The following MCTP1 variants were observed in gnomAD, a reference collection of about 807,000 sequenced individuals.
MCTP1 encodes multiple C2 and transmembrane domain containing 1.
A neutral mutation model predicts 120.6 loss-of-function variants in MCTP1; 69 were observed. That is an observed-to-expected ratio of 0.57 (90% CI 0.47 to 0.70). MCTP1 has a LOEUF of 0.70. MCTP1 is among the 30% of genes least tolerant of loss of function. The pLI is 0.00. For missense variants in MCTP1, 1,203 were observed against 1,248.8 expected (o/e 0.96, Z 0.55); for synonymous variants, 529 against 493.1 (o/e 1.07, Z -0.96).
At chr5:95,171,747 G>A (rs1177083506) in intron 1 of MCTP1, among the ~76,000 whole-genome samples, 1 of 150,704 alleles carries the variant, frequency 6.6e-6, no homozygotes. Flanking sequence ...TCATGCCATG[G>A]TTTTCAGCTC....
At chr5:94,829,008 C>T (rs1445340612) in intron 17 of MCTP1, among the ~76,000 whole-genome samples, 1 of 85,640 alleles carries the variant, frequency 1.2e-5, no homozygotes, top group Non-Finnish European at 3.4e-5. Context: ...AAACAAACAA[C>T]AACAACAAAA....
chr5:95,278,127 A>G (rs897364725), intron 1 of MCTP1, among the ~76,000 whole-genome samples: 2 of 152,060 alleles, frequency 1.3e-5, no homozygotes, highest in Non-Finnish European at 2.9e-5. Context: ...AAACTGCTAC[A>G]TATTAGAGGG....
intron 1 of MCTP1, among the ~76,000 whole-genome samples, chr5:95,099,145 G>A (rs1294337538): frequency 2.6e-5 from 4 of 152,158 alleles, no homozygotes; most frequent in East Asian, 1.9e-4. Flanking sequence ...AGACTTAAAC[G>A]TTAGACCTAA....
chr5:94,983,925 C>T (rs1829989873), intron 2 of MCTP1, among the ~76,000 whole-genome samples: 1 of 152,158 alleles, frequency 6.6e-6, no homozygotes, highest in South Asian at 2.1e-4. Flanking sequence ...GGACAACTGG[C>T]AGTCTCTAAC....
chr5:95,079,017 G>A (rs868461360), intron 1 of MCTP1, among the ~76,000 whole-genome samples: 7 of 151,992 alleles, frequency 4.6e-5, no homozygotes, highest in African/African-American at 1.2e-4. Context: ...GTAAATTGCC[G>A]CGAATAAATA....
chr5:94,937,180 G>A (rs1816403051), intron 5 of MCTP1, among the ~76,000 whole-genome samples: 1 of 152,128 alleles, frequency 6.6e-6, no homozygotes, highest in Non-Finnish European at 1.5e-5. Flanking sequence ...AGGATAGGAG[G>A]AGAGAAGACG....
intron 1 of MCTP1, among the ~76,000 whole-genome samples, chr5:95,274,580 C>T (rs1442236483): frequency 1.3e-5 from 2 of 152,140 alleles, no homozygotes; most frequent in Non-Finnish European, 2.9e-5. Flanking sequence ...TAAAAACCTT[C>T]CCATGAACCA....
chr5:95,075,727 T>C lies in MCTP1; in HGVS notation c.721-58243A>G, dbSNP rs562995677. On this transcript the variant is annotated intron_variant, in intron 1 of 22. Coordinates refer to ENST00000515393, the MANE Select transcript of MCTP1 (RefSeq NM_024717.7). Reference sequence around the variant, plus strand: ...TGATCAGATAATTTTACGTAAAAGTTTTATCTTTGTTTCTACCCCTTAGAA... The same window carrying C: ...TGATCAGATAATTTTACGTAAAAGTCTTATCTTTGTTTCTACCCCTTAGAA... 2.0e-5 allele frequency among the ~76,000 whole-genome samples: 3 copies of C among 152,280 alleles called. No homozygotes were observed. In the East Asian group the frequency reaches 5.8e-4, roughly 29 times the overall value.
intron 2 of MCTP1, among the ~76,000 whole-genome samples, chr5:95,008,082 G>A (rs2153651147): frequency 6.6e-6 from 1 of 152,222 alleles, no homozygotes; most frequent in Admixed American, 6.5e-5. Flanking sequence ...AGTTTCCTTT[G>A]TAACTAGGCA....
At chr5:94,849,731 C>G (rs1004347594) in intron 17 of MCTP1, among the ~76,000 whole-genome samples, 1 of 152,084 alleles carries the variant, frequency 6.6e-6, no homozygotes, top group African/African-American at 2.4e-5. Flanking sequence ...AAAACATGTA[C>G]TATTTTCAAC....
At chr5:95,031,823 C>A (rs1840356695) in intron 1 of MCTP1, among the ~76,000 whole-genome samples, 1 of 152,090 alleles carries the variant, frequency 6.6e-6, no homozygotes, top group Admixed American at 6.5e-5. Flanking sequence ...AACAAAGATC[C>A]AATTTTTTGT....
At chr5:95,152,980 A>C (rs1193519679) in intron 1 of MCTP1, among the ~76,000 whole-genome samples, 1 of 152,180 alleles carries the variant, frequency 6.6e-6, no homozygotes, top group Non-Finnish European at 1.5e-5. Flanking sequence ...GTCCTGTAAA[A>C]CCATCACTTC....
At chr5:94,789,903 A>G (rs1778527971) in intron 18 of MCTP1, among the ~76,000 whole-genome samples, 1 of 152,150 alleles carries the variant, frequency 6.6e-6, no homozygotes, top group African/African-American at 2.4e-5. Flanking sequence ...TTTTATTTGG[A>G]AGGAAAGATC....
Position 95,106,224 on chromosome 5 carries a change from T to C in MCTP1, c.721-88740A>G, listed in dbSNP as rs186467796. ...CTTTTGTCTTGCACAAAGTGATGGT[T>C]TCAGGCATGACAAGGTCACCTCAGG... On this transcript the variant is annotated intron_variant, in intron 1 of 22. Coordinates refer to ENST00000515393, the MANE Select transcript of MCTP1 (RefSeq NM_024717.7). 5.9e-3 allele frequency among the ~76,000 whole-genome samples: 894 copies of C among 152,322 alleles called. 4 individuals are homozygous for C. Among genetic ancestry groups the C allele is most frequent in the Non-Finnish European group, 9.2e-3 (624 of 68,028 alleles).
At chr5:94,751,648 C>G (rs1240098329) in intron 19 of MCTP1, among the ~76,000 whole-genome samples, 1 of 152,066 alleles carries the variant, frequency 6.6e-6, no homozygotes, top group African/African-American at 2.4e-5. Context: ...ATAAAGCGTA[C>G]AGAGCCCTGA....
chr5:94,740,978 G>A (rs895838991), intron 19 of MCTP1, among the ~76,000 whole-genome samples: 3 of 152,172 alleles, frequency 2.0e-5, no homozygotes, highest in African/African-American at 7.2e-5. Context: ...CAAAGCACTG[G>A]ATTAAAGCCA....
intron 1 of MCTP1, among the ~76,000 whole-genome samples, chr5:95,080,230 C>T (rs892600613): frequency 6.6e-6 from 1 of 152,136 alleles, no homozygotes; most frequent in African/African-American, 2.4e-5. Flanking sequence ...AGGATTTGGA[C>T]ATTTGTGCTG....
At chr5:95,206,340 C>A (rs974466233) in intron 1 of MCTP1, among the ~76,000 whole-genome samples, 2 of 151,988 alleles carry the variant, frequency 1.3e-5, no homozygotes, top group Admixed American at 6.6e-5. Context: ...TTAGTGGTTG[C>A]CTAGGGTTCA....
rs1340324311 is a variant in MCTP1 at position 95,138,414 on chromosome 5, C to G, written c.721-120930G>C. Reference sequence around the variant, plus strand: ...TCTCCATCCAGGTTTTTCTCACTATCCTCTCCTGTAACTTTCTAGAAGAGC... The same window carrying G: ...TCTCCATCCAGGTTTTTCTCACTATGCTCTCCTGTAACTTTCTAGAAGAGC... On this transcript the variant is annotated intron_variant, in intron 1 of 22. Coordinates refer to ENST00000515393, the MANE Select transcript of MCTP1 (RefSeq NM_024717.7). 2.0e-5 allele frequency among the ~76,000 whole-genome samples: 3 copies of G among 152,154 alleles called. No individual in the cohort carries two copies. In the South Asian group the frequency reaches 6.2e-4, roughly 31 times the overall value.
Sources: allele counts gnomAD v4.1 joint callset (sites outside exome capture counted in the v4.1 genomes callset), GRCh38; gene constraint gnomAD v4.1.1; transcripts MANE v1.5; gene names NCBI Gene and HGNC (gene_info 2026-07-23, HGNC 2026-07-21).